The following MACROD2 variants were observed in gnomAD, a reference collection of about 807,000 sequenced individuals.
MACROD2 encodes the protein mono-ADP ribosylhydrolase 2, also known as ADP-ribose glycohydrolase MACROD2.
A neutral mutation model predicts 70.4 loss-of-function variants in MACROD2; 36 were observed. That is an observed-to-expected ratio of 0.51 (90% CI 0.39 to 0.68). The LOEUF (loss-of-function observed/expected upper bound fraction) is 0.68, where lower values mean the gene tolerates loss of function less well. Among genes scored for constraint, MACROD2 ranks in the 30% least tolerant of loss-of-function variants. The pLI, the probability that MACROD2 is intolerant of heterozygous loss-of-function variation, is 0.00. For synonymous variants in MACROD2, 172 were observed against 178.8 expected, an observed-to-expected ratio of 0.96 and a Z score of 0.30; for missense variants, 496 against 538.4, an observed-to-expected ratio of 0.92 and a Z score of 0.78.
chr20:15,970,943 T>A (rs1038398346), intron 13 of MACROD2, among the ~76,000 whole-genome samples: 8 of 152,140 alleles, frequency 5.3e-5, no homozygotes, highest in African/African-American at 1.7e-4. Context: ...AGCTTAAAAG[T>A]GAGACTTGAA....
At chr20:14,393,879 CTG>C (rs2083553313) in intron 3 of MACROD2, among the ~76,000 whole-genome samples, 1 of 152,262 alleles carries the variant, frequency 6.6e-6, no homozygotes, top group Admixed American at 6.5e-5. Context: ...GTTAGGATTA[CTG>C]TCCTTATAAG....
At chr20:14,004,713 T>G (rs1425097221) in intron 2 of MACROD2, among the ~76,000 whole-genome samples, 1 of 152,116 alleles carries the variant, frequency 6.6e-6, no homozygotes, top group African/African-American at 2.4e-5. Flanking sequence ...ACTATACATA[T>G]GGTTATATTT....
chr20:15,051,458 T>C (rs1027252263), intron 5 of MACROD2, among the ~76,000 whole-genome samples: 7 of 150,870 alleles, frequency 4.6e-5, no homozygotes, highest in African/African-American at 4.9e-5. Context: ...TTAAACTCCA[T>C]AGGGCAGGCA....
At chr20:15,605,453 C>CGTGCGTGTGT (rs1555847144) in intron 8 of MACROD2, among the ~76,000 whole-genome samples, 6 of 141,786 alleles carry the variant, frequency 4.2e-5, no homozygotes, top group African/African-American at 1.6e-4. Context: ...AGGATGTAAG[C>CGTGCGTGTGT]GTGTGTGTGT....
intron 8 of MACROD2, among the ~76,000 whole-genome samples, chr20:15,678,063 GA>G (rs149010345): frequency 0.11 from 16,830 of 146,706 alleles, 1,947 homozygotes; most frequent in African/African-American, 0.28. Context: ...GACTCCATCT[GA>G]AAAAAAAAAT....
At chr20:14,275,370 A>G (rs2122376495) in intron 3 of MACROD2, among the ~76,000 whole-genome samples, 1 of 152,290 alleles carries the variant, frequency 6.6e-6, no homozygotes, top group East Asian at 1.9e-4. Flanking sequence ...GAGAAAAACA[A>G]GCAATGGGGA....
intron 5 of MACROD2, among the ~76,000 whole-genome samples, chr20:14,756,594 G>T (rs989323326): frequency 3.9e-5 from 6 of 152,056 alleles, no homozygotes; most frequent in African/African-American, 1.2e-4. Context: ...GCCCCTTCAT[G>T]GTTAGTGACT....
At chr20:15,819,642 T>A (rs1299465354) in intron 8 of MACROD2, among the ~76,000 whole-genome samples, 5 of 151,686 alleles carry the variant, frequency 3.3e-5, no homozygotes, top group Non-Finnish European at 7.4e-5. Flanking sequence ...ATGAAGGACA[T>A]TTATGTTAAG....
intron 5 of MACROD2, chr20:14,895,282 G>T (rs1277712266): frequency 6.6e-6 from 1 of 152,222 alleles, no homozygotes; most frequent in Non-Finnish European, 1.5e-5. Flanking sequence ...CATTCCTGCA[G>T]TTAGGTTTAC....
intron 10 of MACROD2, among the ~76,000 whole-genome samples, chr20:15,918,968 G>C (rs1209616037): frequency 6.6e-6 from 1 of 152,086 alleles, no homozygotes; most frequent in Admixed American, 6.6e-5. Flanking sequence ...ACTGACCCTG[G>C]AACCAATGAG....
At chr20:15,677,378 G>A (rs2050073762) in intron 8 of MACROD2, among the ~76,000 whole-genome samples, 1 of 152,108 alleles carries the variant, frequency 6.6e-6, no homozygotes, top group African/African-American at 2.4e-5. Flanking sequence ...CGGTGGTGGG[G>A]GGAAGTGGGG....
intron 5 of MACROD2, among the ~76,000 whole-genome samples, chr20:14,747,625 C>T (rs1759996991): frequency 6.6e-6 from 1 of 152,034 alleles, no homozygotes; most frequent in African/African-American, 2.4e-5. Context: ...ATTTTTTCTG[C>T]CATTTTTTTT....
At position 14,363,203 on chromosome 20, in the gene MACROD2, C is replaced by A. The variant is rs367726791; in HGVS notation, c.272-130276C>A. 6.0e-4 allele frequency among the ~76,000 whole-genome samples: 92 copies of A among 152,164 alleles called. No individual in the cohort carries two copies. In the East Asian group the frequency reaches 0.013, roughly 21 times the overall value. On this transcript the variant is annotated intron_variant, in intron 3 of 17. Coordinates refer to ENST00000684519, the MANE Select transcript of MACROD2 (RefSeq NM_001351661.2). Reference sequence around the variant, plus strand: ...CTGTTTCTGAGCCTCCTTTTATTATCTGTAAATATAATATAATAATTGTGA... The same window carrying A: ...CTGTTTCTGAGCCTCCTTTTATTATATGTAAATATAATATAATAATTGTGA...
intron 2 of MACROD2, among the ~76,000 whole-genome samples, chr20:14,080,486 A>T (rs1326223633): frequency 6.6e-6 from 1 of 151,254 alleles, no homozygotes; most frequent in Non-Finnish European, 1.5e-5. Flanking sequence ...GATTCCTCAT[A>T]AAAAATTCCA....
In MACROD2 at chr20:15,786,212, A is replaced by G. The variant is rs1386230948; in HGVS notation, c.646-76533A>G. Among the ~76,000 whole-genome samples the G allele has an allele frequency of 2.6e-5, 4 of 151,944 alleles. No individual in the cohort carries two copies. The East Asian group carries it at 7.7e-4, about 29-fold the overall frequency. On this transcript the variant is annotated intron_variant, in intron 8 of 17. Transcript: ENST00000684519. ...AATCATTCTAGATTAGATGACAGCT[A>G]TTATAGACAGTCAAAAGATATCCAG...
intron 10 of MACROD2, among the ~76,000 whole-genome samples, chr20:15,902,674 C>T (rs1333821294): frequency 6.6e-6 from 1 of 152,024 alleles, no homozygotes; most frequent in Non-Finnish European, 1.5e-5. Flanking sequence ...ATGAGGACCC[C>T]AGCTCTGTGA....
intron 5 of MACROD2, among the ~76,000 whole-genome samples, chr20:14,767,602 A>AT (rs1735228597): frequency 6.6e-6 from 1 of 151,990 alleles, no homozygotes; most frequent in South Asian, 2.1e-4. Flanking sequence ...CTTTGGTTAA[A>AT]TTGGGGTAAC....
chr20:14,606,589 T>C (rs959701999), intron 4 of MACROD2, among the ~76,000 whole-genome samples: 1 of 152,206 alleles, frequency 6.6e-6, no homozygotes, highest in Non-Finnish European at 1.5e-5. Flanking sequence ...TGGCAATAAA[T>C]TATTATTGTT....
chr20:15,018,996 G>A (rs772641017), intron 5 of MACROD2, among the ~76,000 whole-genome samples: 1 of 152,102 alleles, frequency 6.6e-6, no homozygotes, highest in Non-Finnish European at 1.5e-5. Context: ...AGAATCATTG[G>A]CCAAATTTAA....
Sources: gnomAD v4.1 joint callset for allele counts (sites outside exome capture counted in the v4.1 genomes callset) on GRCh38, gnomAD v4.1.1 for gene constraint, MANE v1.5 for transcripts, NCBI Gene and HGNC (gene_info 2026-07-23, HGNC 2026-07-21) for gene names.